MAGI2: variants seen among roughly 807,000 people sequenced by gnomAD.
MAGI2 encodes the protein membrane associated guanylate kinase, WW and PDZ domain containing 2, also known as membrane-associated guanylate kinase, WW and PDZ domain-containing protein 2.
Under a neutral mutation model 133.3 loss-of-function variants are expected in MAGI2, and 35 were observed. The observed-to-expected ratio is 0.26, with a 90% confidence interval of 0.20 to 0.35. MAGI2 has a LOEUF of 0.35. Among genes scored for constraint, MAGI2 ranks in the 10% least tolerant of loss-of-function variants. The pLI is 1.00. For synonymous variants in MAGI2, 729 were observed against 710.6 expected (o/e 1.03, Z -0.41); for missense variants, 1,636 against 1,863.4 (o/e 0.88, Z 2.25).
At chr7:79,417,759 A>G (rs542736601) in intron 1 of MAGI2, among the ~76,000 whole-genome samples, 2 of 152,040 alleles carry the variant, frequency 1.3e-5, no homozygotes, top group Non-Finnish European at 1.5e-5. Flanking sequence ...ACAAAAAAAA[A>G]AAATAACTTA....
At chr7:78,207,137 GGA>G (rs1399374660) in intron 10 of MAGI2, among the ~76,000 whole-genome samples, 1 of 152,018 alleles carries the variant, frequency 6.6e-6, no homozygotes, top group Non-Finnish European at 1.5e-5. Context: ...AGTAATAAAT[GGA>G]GAGAGTTTTT....
intron 1 of MAGI2, among the ~76,000 whole-genome samples, chr7:79,331,715 T>C (rs1345943844): frequency 2.0e-5 from 3 of 152,160 alleles, no homozygotes; most frequent in African/African-American, 7.2e-5. Flanking sequence ...CATTTCTATA[T>C]GACAGAAGCA....
At chr7:78,183,302 T>A (rs1284899608) in intron 13 of MAGI2, among the ~76,000 whole-genome samples, 1 of 150,240 alleles carries the variant, frequency 6.7e-6, no homozygotes, top group Non-Finnish European at 1.5e-5. Context: ...AGTCTCGCTC[T>A]GTTGCCAGAC....
chr7:78,260,360 A>G (rs798322), intron 9 of MAGI2, among the ~76,000 whole-genome samples: 85,884 of 152,042 alleles, frequency 0.56, 26,714 homozygotes, highest in African/African-American at 0.82. Context: ...AGAAAGGGAC[A>G]TCATCAGGAA....
intron 2 of MAGI2, among the ~76,000 whole-genome samples, chr7:78,891,482 A>AAATACTGGC: frequency 6.6e-6 from 1 of 152,324 alleles, no homozygotes; most frequent in South Asian, 2.1e-4. Context: ...ATCCTCAATA[A>AAATACTGGC]AATACTGGCA....
chr7:78,357,204 C>G (rs1433850488), intron 7 of MAGI2, among the ~76,000 whole-genome samples: 1 of 152,176 alleles, frequency 6.6e-6, no homozygotes, highest in African/African-American at 2.4e-5. Context: ...TTATCACCTA[C>G]TAGCTTGATG....
At chr7:79,052,342 C>T (rs1211523641) in intron 1 of MAGI2, among the ~76,000 whole-genome samples, 1 of 152,182 alleles carries the variant, frequency 6.6e-6, no homozygotes, top group Non-Finnish European at 1.5e-5. Flanking sequence ...AAATGCAGAG[C>T]TCCCTGTTCA....
chr7:79,447,932 T>C lies in MAGI2; in HGVS notation c.301+5088A>G, dbSNP rs117562657. Among the ~76,000 whole-genome samples the C allele has an allele frequency of 3.2e-3, 482 of 152,062 alleles. 4 individuals carry two copies. The highest frequency in any genetic ancestry group is 6.0e-3 in the Non-Finnish European group (408 of 67,872). Reference sequence around the variant, plus strand: ...TATTCTTTATGAGGTGCTTAATTTCTAGCTGAGAAGTAAAAGTTCAACAGC... The same window carrying C: ...TATTCTTTATGAGGTGCTTAATTTCCAGCTGAGAAGTAAAAGTTCAACAGC... On this transcript the variant is annotated intron_variant, in intron 1 of 21. Coordinates refer to ENST00000354212, the MANE Select transcript of MAGI2 (RefSeq NM_012301.4).
chr7:79,257,127 A>G (rs1833744565), intron 1 of MAGI2, among the ~76,000 whole-genome samples: 1 of 152,144 alleles, frequency 6.6e-6, no homozygotes, highest in Non-Finnish European at 1.5e-5. Flanking sequence ...TCAAAACATC[A>G]TACATGATAA....
chr7:78,299,332 A>G (rs560642998), intron 9 of MAGI2, among the ~76,000 whole-genome samples: 6 of 152,310 alleles, frequency 3.9e-5, no homozygotes, highest in Non-Finnish European at 7.4e-5. Context: ...TCATAGTAAC[A>G]ATGTTGCTAT....
At chr7:78,481,170 T>C (rs929731036) in intron 6 of MAGI2, among the ~76,000 whole-genome samples, 1 of 151,938 alleles carries the variant, frequency 6.6e-6, no homozygotes, top group Non-Finnish European at 1.5e-5. Context: ...CACACTGCTA[T>C]AACAACTTCC....
intron 2 of MAGI2, among the ~76,000 whole-genome samples, chr7:78,689,290 A>G (rs1003134017): frequency 2.6e-5 from 4 of 152,210 alleles, no homozygotes; most frequent in Non-Finnish European, 5.9e-5. Flanking sequence ...TAATTCCACG[A>G]TATATGTTGA....
At chr7:79,035,000 A>T (rs986571838) in intron 1 of MAGI2, among the ~76,000 whole-genome samples, 1 of 152,222 alleles carries the variant, frequency 6.6e-6, no homozygotes. Flanking sequence ...AATGATTACC[A>T]CTTGGATACT....
At chr7:78,027,359 G>A (rs1306123349) in intron 21 of MAGI2, among the ~76,000 whole-genome samples, 1 of 152,018 alleles carries the variant, frequency 6.6e-6, no homozygotes, top group African/African-American at 2.4e-5. Context: ...CAGGCGCGGT[G>A]GCTCACACCT....
At chr7:79,228,844 T>C (rs1419349303) in intron 1 of MAGI2, among the ~76,000 whole-genome samples, 2 of 152,116 alleles carry the variant, frequency 1.3e-5, no homozygotes, top group South Asian at 2.1e-4. Flanking sequence ...GTCCCAGATC[T>C]TTAGAGGATG....
intron 1 of MAGI2, among the ~76,000 whole-genome samples, chr7:79,148,830 T>C (rs766421180): frequency 1.1e-4 from 17 of 149,074 alleles, no homozygotes; most frequent in Non-Finnish European, 1.8e-4. Context: ...TATATATATA[T>C]ACACATATAT....
chr7:78,859,446 A>G (rs1040699513), intron 2 of MAGI2, among the ~76,000 whole-genome samples: 4 of 151,842 alleles, frequency 2.6e-5, no homozygotes, highest in African/African-American at 9.7e-5. Flanking sequence ...TGGTGACAAA[A>G]TCTCTCAGCA....
At chr7:78,231,691 T>C (rs540964314) in intron 10 of MAGI2, among the ~76,000 whole-genome samples, 2 of 152,304 alleles carry the variant, frequency 1.3e-5, no homozygotes, top group East Asian at 3.9e-4. Flanking sequence ...CCTCCTTCCC[T>C]ACACCTGAAG....
At chr7:78,436,106 G>T (rs112800796) in intron 6 of MAGI2, among the ~76,000 whole-genome samples, 4 of 152,176 alleles carry the variant, frequency 2.6e-5, no homozygotes, top group Non-Finnish European at 5.9e-5. Context: ...TACAGGTAAA[G>T]AAGTTGGCCT....
Sources: allele counts gnomAD v4.1 joint callset (sites outside exome capture counted in the v4.1 genomes callset), GRCh38; gene constraint gnomAD v4.1.1; transcripts MANE v1.5; gene names NCBI Gene and HGNC (gene_info 2026-07-23, HGNC 2026-07-21).